Variants in BMP7 observed in about 807,000 individuals in gnomAD.
BMP7 encodes bone morphogenetic protein 7, also known as osteogenic protein 1.
A neutral mutation model predicts 41.2 loss-of-function variants in BMP7; 12 were observed. The observed-to-expected ratio is 0.29, with a 90% CI of 0.19 to 0.47. The LOEUF is 0.47. Ranked by LOEUF, BMP7 falls within the 20% of genes least tolerant of loss-of-function variation. BMP7 has a pLI of 0.99. For synonymous variants in BMP7, 248 were observed against 250.0 expected, an observed-to-expected ratio of 0.99 and a Z score of 0.07; for missense variants, 467 against 606.0, an observed-to-expected ratio of 0.77 and a Z score of 2.41.
chr20:57,244,079 T>A (rs1013911238), intron 1 of BMP7: 2 of 152,182 alleles, frequency 1.3e-5, no homozygotes, highest in African/African-American at 4.8e-5. Flanking sequence ...AGGAGTAAAG[T>A]AGACCAGGCA....
At position 57,243,507 on chromosome 20, in the gene BMP7, G is replaced by A. The variant is rs76925619; in HGVS notation, c.419-15086C>T. 4.6e-5 allele frequency among the ~76,000 whole-genome samples: 7 copies of A among 152,166 alleles called. No homozygotes were observed. In the East Asian group the frequency reaches 1.4e-3, roughly 29 times the overall value. The stretch of plus-strand genomic sequence containing the variant: ...AAATAATTAAAAAAATTAATGAAAT[G>A]GCGTTCCCAGTGTGAGAAATTCAGG... On this transcript the variant is annotated intron_variant, in intron 1 of 6. Coordinates refer to ENST00000395863, the MANE Select transcript of BMP7 (RefSeq NM_001719.3).
At chr20:57,222,773 G>A (rs1265805978) in intron 2 of BMP7, among the ~76,000 whole-genome samples, 2 of 147,928 alleles carry the variant, frequency 1.4e-5, no homozygotes, top group East Asian at 3.9e-4. Flanking sequence ...GTAGTGGCAA[G>A]GGGTAGAAGC....
chr20:57,252,384 G>C (rs1449165989), intron 1 of BMP7, among the ~76,000 whole-genome samples: 3 of 152,202 alleles, frequency 2.0e-5, no homozygotes, highest in East Asian at 3.8e-4. Context: ...GGGAGACACG[G>C]GAAAATATAG....
chr20:57,173,139 C>A, intron 6 of BMP7, 61 bp downstream of exon 6: 1 of 1,521,698 alleles, frequency 6.6e-7, no homozygotes, highest in Non-Finnish European at 9.1e-7. Flanking sequence ...GCAGCAGGAT[C>A]TGGTGGCCCC....
At chr20:57,202,399 C>T (rs1481675165) in intron 3 of BMP7, 76 bp downstream of exon 3, 9 of 1,556,572 alleles carry the variant, frequency 5.8e-6, no homozygotes, top group Middle Eastern at 2.2e-4. Flanking sequence ...GTGAAGCAAG[C>T]ATGAGCACTG....
chr20:57,211,370 C>A (rs1038863378), intron 2 of BMP7, among the ~76,000 whole-genome samples: 1 of 152,200 alleles, frequency 6.6e-6, no homozygotes, highest in African/African-American at 2.4e-5. Flanking sequence ...AGGAGCCCCA[C>A]CCAAGTTAGA....
chr20:57,202,214 C>T (rs1984636241), intron 3 of BMP7, among the ~76,000 whole-genome samples: 1 of 152,168 alleles, frequency 6.6e-6, no homozygotes, highest in Non-Finnish European at 1.5e-5. Flanking sequence ...CATAAGAGGG[C>T]TGCCCTCACC....
rs143948532 is a variant in BMP7, at chr20:57,195,610, G to A, written c.760+6865C>T. 4.8e-3 allele frequency among the ~76,000 whole-genome samples: 738 copies of A among 152,384 alleles called. 24 individuals carry two copies. Among genetic ancestry groups the A allele is most frequent in the Admixed American group, 0.037 (571 of 15,312 alleles). On this transcript the variant is annotated intron_variant, in intron 3 of 6. Transcript: ENST00000395863. The stretch of plus-strand genomic sequence containing the variant: ...AGCCAGCTGCGCCGTGGGCGGCATC[G>A]CTCACCAGCCTTGGCTTTGTGGGGC...
intron 3 of BMP7, among the ~76,000 whole-genome samples, chr20:57,194,468 C>T (rs941949264): frequency 6.6e-5 from 10 of 152,196 alleles, no homozygotes; most frequent in Admixed American, 1.3e-4. Context: ...AAAATATGTA[C>T]TCTCTGGTAC....
intron 1 of BMP7, among the ~76,000 whole-genome samples, chr20:57,232,114 T>G (rs61240961): frequency 0.019 from 2,880 of 152,274 alleles, 68 homozygotes; most frequent in African/African-American, 0.067. Context: ...CTTCACACTC[T>G]CTAGAGCCAG....
In BMP7 at chr20:57,230,680, C is replaced by T. The variant is rs1950051472; in HGVS notation, c.419-2259G>A. On this transcript the variant is annotated intron_variant, in intron 1 of 6. Coordinates refer to ENST00000395863, the MANE Select transcript of BMP7 (RefSeq NM_001719.3). Reference sequence around the variant, plus strand: ...GCCGTTCCTCTGCTTGTTTGTAGAACTTTTTTTTTTTTTTGAGACAGAGTC... The same window carrying T: ...GCCGTTCCTCTGCTTGTTTGTAGAATTTTTTTTTTTTTTTGAGACAGAGTC... Among the ~76,000 whole-genome samples, 2 of 132,984 alleles carry T rather than the reference C, an allele frequency of 1.5e-5. 1 individual carries two copies. The highest frequency in any genetic ancestry group is 5.4e-4 in the South Asian group (2 of 3,722). The allele number at this position is 132,984 out of a possible 152,430, so 87.2% of individuals were successfully genotyped here. A position where few individuals can be genotyped will look rare whatever the true frequency, so the allele number is the denominator to read the frequency against.
At chr20:57,173,164 C>A (rs1186082228) in intron 6 of BMP7, 36 bp downstream of exon 6, 1 of 1,598,342 alleles carries the variant, frequency 6.3e-7, no homozygotes, top group Non-Finnish European at 8.6e-7. Context: ...CCTGCCCGGC[C>A]CAGGTGACCA....
intron 1 of BMP7, among the ~76,000 whole-genome samples, chr20:57,237,853 T>C (rs1488947704): frequency 6.6e-6 from 1 of 152,116 alleles, no homozygotes; most frequent in Non-Finnish European, 1.5e-5. Flanking sequence ...TGTAGAAGAG[T>C]AGTTCATAGA....
chr20:57,183,657 C>G (rs555829507), intron 4 of BMP7, 65 bp downstream of exon 4: 91 of 1,600,118 alleles, frequency 5.7e-5, no homozygotes, highest in Non-Finnish European at 7.6e-5. Context: ...AGTCTCCTGC[C>G]GGGTCCCGCC....
chr20:57,254,662 A>C (rs909205034), intron 1 of BMP7, among the ~76,000 whole-genome samples: 1 of 151,132 alleles, frequency 6.6e-6, no homozygotes, highest in Non-Finnish European at 1.5e-5. Flanking sequence ...AAAAAAAAAC[A>C]AAAAACAAAA....
chr20:57,213,005 C>A lies in BMP7; in HGVS notation c.612-10382G>T, dbSNP rs535955385. 6.6e-6 allele frequency among the ~76,000 whole-genome samples: 1 copy of A among 152,252 alleles called. No individual in the cohort carries two copies. The highest frequency in any genetic ancestry group is 2.4e-5 in the African/African-American group (1 of 41,462). On this transcript the variant is annotated intron_variant, in intron 2 of 6. Coordinates refer to ENST00000395863, the MANE Select transcript of BMP7 (RefSeq NM_001719.3). The surrounding 1 kb of genome is among the most constrained non-coding windows in gnomAD (Gnocchi z 4.4). Reference sequence around the variant, plus strand: ...CCAAGGCTTTTTAAAAATACACTTTCTTGAAGACGGTGCATATCCAGGAAG... The same window carrying A: ...CCAAGGCTTTTTAAAAATACACTTTATTGAAGACGGTGCATATCCAGGAAG...
At chr20:57,231,621 T>TC (rs2066029803) in intron 1 of BMP7, among the ~76,000 whole-genome samples, 1 of 152,198 alleles carries the variant, frequency 6.6e-6, no homozygotes, top group Non-Finnish European at 1.5e-5. Flanking sequence ...ATCTCTGTTC[T>TC]CCACTGCAGC....
intron 1 of BMP7, among the ~76,000 whole-genome samples, chr20:57,240,483 A>G (rs1462695255): frequency 6.6e-6 from 1 of 152,206 alleles, no homozygotes; most frequent in African/African-American, 2.4e-5. Flanking sequence ...GAGTCTTCCA[A>G]ACTGTTCCAA....
At chr20:57,203,477 GTGGA>G (rs533405529) in intron 2 of BMP7, among the ~76,000 whole-genome samples, 16 of 151,596 alleles carry the variant, frequency 1.1e-4, no homozygotes, top group Non-Finnish European at 2.1e-4. Context: ...GAGTGGGTGG[GTGGA>G]TGGATGGATG....
Sources: gnomAD v4.1 joint callset for allele counts (sites outside exome capture counted in the v4.1 genomes callset) on GRCh38, gnomAD v4.1.1 for gene constraint, Gnocchi (gnomAD v3.1) non-coding constraint, MANE v1.5 for transcripts, NCBI Gene and HGNC (gene_info 2026-07-23, HGNC 2026-07-21) for gene names.